MAD1L1: variants seen among roughly 807,000 people sequenced by gnomAD.
MAD1L1 encodes the protein mitotic arrest deficient 1 like 1.
A neutral mutation model predicts 96.9 loss-of-function variants in MAD1L1; 95 were observed. That is an observed-to-expected ratio of 0.98 (90% CI 0.83 to 1.16). The LOEUF (loss-of-function observed/expected upper bound fraction) is 1.16. Among genes scored for constraint, MAD1L1 ranks in the 50% most tolerant of loss-of-function variants. The pLI is 0.00. For synonymous variants in MAD1L1, 473 were observed against 396.6 expected (o/e 1.19, Z -2.29); for missense variants, 1,007 against 954.4 (o/e 1.06, Z -0.73).
In MAD1L1 at chr7:2,019,911, T is replaced by C. The variant is rs1025453751; in HGVS notation, c.1219-5269A>G. Among the ~76,000 whole-genome samples the C allele has an allele frequency of 2.6e-5, 4 of 152,228 alleles. No homozygotes were observed. In the East Asian group the frequency reaches 7.7e-4, roughly 29 times the overall value. ...TGCTGCCCCTAAACGAGGTTTTTTT[T>C]TTTGACAACTGACTGTTTTCAAGTA... On this transcript the variant is annotated intron_variant, in intron 12 of 18. Transcript: ENST00000265854.
intron 11 of MAD1L1, among the ~76,000 whole-genome samples, chr7:2,078,055 C>T (rs1785462714): frequency 6.6e-6 from 1 of 152,172 alleles, no homozygotes. Flanking sequence ...GAGGGAACAC[C>T]GGGGAAGGGC....
At chr7:2,059,041 G>A (rs1584217716) in intron 12 of MAD1L1, among the ~76,000 whole-genome samples, 2 of 121,628 alleles carry the variant, frequency 1.6e-5, no homozygotes, top group Admixed American at 7.8e-5. Context: ...TGGAGAGGGA[G>A]TGTGGCCAGA....
chr7:1,937,456 T>A (rs1042035692), intron 16 of MAD1L1, among the ~76,000 whole-genome samples: 1 of 152,156 alleles, frequency 6.6e-6, no homozygotes, highest in African/African-American at 2.4e-5. Flanking sequence ...GGGATGTGTG[T>A]GGCATCCTTG....
chr7:2,061,210 G>C (rs965476783), intron 12 of MAD1L1, among the ~76,000 whole-genome samples: 3 of 152,194 alleles, frequency 2.0e-5, no homozygotes, highest in Admixed American at 2.0e-4. Flanking sequence ...GCTGGCGCGT[G>C]CCTGTAGTCC....
At chr7:2,006,581 G>A (rs562451460) in intron 13 of MAD1L1, among the ~76,000 whole-genome samples, 15 of 151,120 alleles carry the variant, frequency 9.9e-5, no homozygotes, top group African/African-American at 2.0e-4. Flanking sequence ...AAACCCGCAC[G>A]GCCCAGCACA....
chr7:2,050,708 G>A (rs968038931), intron 12 of MAD1L1, among the ~76,000 whole-genome samples: 2 of 152,166 alleles, frequency 1.3e-5, no homozygotes, highest in Non-Finnish European at 2.9e-5. Flanking sequence ...AAGGGGCAGA[G>A]GCTGCGGAGG....
At chr7:2,083,352 A>G (rs1188978315) in intron 11 of MAD1L1, among the ~76,000 whole-genome samples, 1 of 152,204 alleles carries the variant, frequency 6.6e-6, no homozygotes, top group Non-Finnish European at 1.5e-5. Context: ...TGCCAGCTCT[A>G]AGCAGTTTAT....
At chr7:1,879,399 G>A (rs565581532) in intron 18 of MAD1L1, among the ~76,000 whole-genome samples, 1 of 150,100 alleles carries the variant, frequency 6.7e-6, no homozygotes, top group Non-Finnish European at 1.5e-5. Flanking sequence ...AGGTTGCAGT[G>A]AGCCGAGATC....
intron 15 of MAD1L1, among the ~76,000 whole-genome samples, chr7:1,980,094 A>G (rs142057598): frequency 1.3e-5 from 2 of 152,290 alleles, no homozygotes; most frequent in East Asian, 3.9e-4. Flanking sequence ...GCACACAGAG[A>G]AGGTCACGGC....
intron 15 of MAD1L1, among the ~76,000 whole-genome samples, chr7:1,958,727 C>T (rs775033875): frequency 2.7e-4 from 41 of 152,172 alleles, no homozygotes; most frequent in African/African-American, 9.2e-4. Flanking sequence ...AACCAAACAA[C>T]GAATACCTAC....
At chr7:1,966,517 A>G (rs1477733074) in intron 15 of MAD1L1, among the ~76,000 whole-genome samples, 2 of 150,514 alleles carry the variant, frequency 1.3e-5, no homozygotes, top group Non-Finnish European at 2.9e-5. Context: ...AATTGCTGAA[A>G]AAGTATTTAA....
At chr7:1,980,406 C>A (rs1203592674) in intron 15 of MAD1L1, 47 bp downstream of exon 15, 1 of 1,547,486 alleles carries the variant, frequency 6.5e-7, no homozygotes, top group Non-Finnish European at 8.8e-7. Context: ...CGCCTCCTCT[C>A]TGGGGGACAC....
intron 16 of MAD1L1, among the ~76,000 whole-genome samples, chr7:1,941,000 G>GCCTCCTCTTCCTCCCCCCGCAGGCCTCAC (rs1778966277): frequency 0.027 from 2,078 of 78,016 alleles, 90 homozygotes; most frequent in African/African-American, 0.092. Flanking sequence ...CCAGGCCTCA[G>GCCTCCTCTTCCTCCCCCCGCAGGCCTCAC]CCTCCTCTTC....
intron 17 of MAD1L1, among the ~76,000 whole-genome samples, chr7:1,920,562 G>C (rs891117054): frequency 6.6e-6 from 1 of 152,216 alleles, no homozygotes; most frequent in Non-Finnish European, 1.5e-5. Context: ...GTGTGGGGTG[G>C]GCGGGGATGA....
chr7:1,895,819 C>A (rs547077964), intron 18 of MAD1L1, among the ~76,000 whole-genome samples: 2 of 152,380 alleles, frequency 1.3e-5, no homozygotes, highest in Admixed American at 6.5e-5. Flanking sequence ...CACATTCACA[C>A]GGGCCTTGGG....
At chr7:1,975,248 C>T (rs971932479) in intron 15 of MAD1L1, among the ~76,000 whole-genome samples, 7 of 152,230 alleles carry the variant, frequency 4.6e-5, no homozygotes, top group African/African-American at 1.7e-4. Flanking sequence ...ATGGGCTGGG[C>T]AGTCCATCAC....
At chr7:2,104,257 C>T (rs959033564) in intron 11 of MAD1L1, among the ~76,000 whole-genome samples, 2 of 152,254 alleles carry the variant, frequency 1.3e-5, no homozygotes, top group Non-Finnish European at 2.9e-5. Flanking sequence ...CTGGCGGAGG[C>T]TGCTCAGCCC....
At chr7:2,217,457 G>A (rs1280590480) in intron 7 of MAD1L1, among the ~76,000 whole-genome samples, 5 of 152,206 alleles carry the variant, frequency 3.3e-5, no homozygotes, top group African/African-American at 1.2e-4. Flanking sequence ...GCCTGGAGGT[G>A]AGGGTGCATA....
intron 18 of MAD1L1, among the ~76,000 whole-genome samples, chr7:1,889,955 T>C (rs1029911202): frequency 6.6e-6 from 1 of 152,132 alleles, no homozygotes; most frequent in African/African-American, 2.4e-5. Context: ...AGGCTGGTGG[T>C]GCCCTGAAGG....
Sources: allele counts gnomAD v4.1 joint callset (sites outside exome capture counted in the v4.1 genomes callset), GRCh38; gene constraint gnomAD v4.1.1; transcripts MANE v1.5; gene names NCBI Gene and HGNC (gene_info 2026-07-23, HGNC 2026-07-21).